Variants in GIMAP5 observed in about 807,000 individuals in gnomAD.
GIMAP5 encodes the protein GTPase IMAP family member 5.
In GIMAP5, 8 loss-of-function variants were observed where a neutral mutation model predicts 9.9. The observed-to-expected ratio is 0.81, with a 90% CI of 0.47 to 1.45. The LOEUF (loss-of-function observed/expected upper bound fraction) is 1.45, where lower values mean the gene tolerates loss of function less well. GIMAP5 is among the 40% of genes most tolerant of loss of function. GIMAP5 has a pLI of 0.00. For synonymous variants in GIMAP5, 174 were observed against 151.4 expected, an observed-to-expected ratio of 1.15 and a Z score of -1.09; for missense variants, 353 against 367.4, an observed-to-expected ratio of 0.96 and a Z score of 0.32.
Position 150,743,336 on chromosome 7 carries a change from T to TC in GIMAP5, c.*275dup. 2.5e-6 allele frequency: 1 copy of TC among 398,474 alleles called. No homozygotes were observed. The highest frequency in any genetic ancestry group is 3.1e-5 in the South Asian group (1 of 32,112). 24.7% of individuals were successfully genotyped at this position (398,474 alleles called of 1,614,324 possible). A position where few individuals can be genotyped will look rare whatever the true frequency, so the allele number is the denominator to read the frequency against. ...CAGGTCCCTGAGAAGTGAGTAAAAG[T>TC]CCGCAGAGGTGGGGATGGAAGATCT... On this transcript the variant is annotated 3_prime_UTR_variant, in exon 3 of 3. Transcript: ENST00000358647.
At position 150,742,551 on chromosome 7, in the gene GIMAP5, T is replaced by A; in HGVS notation, c.412T>A (p.Phe138Ile). Reference protein sequence around the residue: ...TVAIRKVKEVFGTGAMRHVVI... With the variant: ...TVAIRKVKEVIGTGAMRHVVI... ...GGCCATCAGGAAGGTGAAAGAGGTC[T>A]TTGGGACAGGGGCCATGAGACATGT... The change falls in exon 3 of 3, where the codon TTT (phenylalanine) becomes ATT (isoleucine). Residue 138 changes from phenylalanine to isoleucine, a missense_variant. By Grantham distance (21) the Phe-to-Ile change is conservative. Transcript: ENST00000358647. 1 of 1,614,188 alleles carries A rather than the reference T, an allele frequency of 6.2e-7. No individual in the cohort carries two copies. Among genetic ancestry groups the A allele is most frequent in the Non-Finnish European group, 8.5e-7 (1 of 1,180,030 alleles).
At chr7:150,740,158 A>G (rs1341935791) in intron 1 of GIMAP5, 1 of 152,200 alleles carries the variant, frequency 6.6e-6, no homozygotes, top group Non-Finnish European at 1.5e-5. Context: ...GAAAATGTAC[A>G]TCCCCAATAC....
intron 2 of GIMAP5, 72 bp from the exon 3 acceptor site, chr7:150,742,111 T>A: frequency 6.6e-7 from 1 of 1,508,940 alleles, no homozygotes; most frequent in Non-Finnish European, 9.0e-7. Context: ...TTTCATGAGA[T>A]AACCATGAAC....
At chr7:150,738,427 A>G (rs986374358) in intron 1 of GIMAP5, 2 of 152,286 alleles carry the variant, frequency 1.3e-5, no homozygotes, top group African/African-American at 4.8e-5. Context: ...GGTGAAGGAG[A>G]TACTTATGAA....
At chr7:150,739,786 T>A (rs1223059986) in intron 1 of GIMAP5, 2 of 152,078 alleles carry the variant, frequency 1.3e-5, no homozygotes, top group Non-Finnish European at 2.9e-5. Flanking sequence ...GGAAGCTGTC[T>A]TAATACATTC....
chr7:150,740,846 C>A lies in GIMAP5; in HGVS notation c.-6-33C>A, dbSNP rs1378465027. ...GCTCTACCAGCTCCCAAACGTACAT[C>A]TGCTTTTTATCCTTTTCCTGTTTTT... On this transcript the variant is annotated intron_variant, in intron 1 of 2. Coordinates refer to ENST00000358647, the MANE Select transcript of GIMAP5 (RefSeq NM_018384.5). 3.1e-6 allele frequency: 5 copies of A among 1,612,442 alleles called. No homozygotes were observed. In the African/African-American group the frequency reaches 6.7e-5, roughly 22 times the overall value.
intron 2 of GIMAP5, among the ~76,000 whole-genome samples, chr7:150,741,781 G>A (rs1797598951): frequency 6.6e-6 from 1 of 152,234 alleles, no homozygotes; most frequent in Admixed American, 6.5e-5. Flanking sequence ...CTGGAAATGT[G>A]TGGGTGAAAG....
In GIMAP5 at chr7:150,742,472, C is replaced by A; in HGVS notation, c.333C>A (p.Pro111=). ...GDCYLLSAPG[P]HVLLLVIQLG... ...GCTACCTGCTCTCTGCCCCGGGGCC[C>A]CACGTCCTGCTTCTGGTGATCCAGC... Residue 111 remains proline, a synonymous_variant, in exon 3 of 3, where the codon CCC becomes CCA. Coordinates refer to ENST00000358647, the MANE Select transcript of GIMAP5 (RefSeq NM_018384.5). The A allele has an allele frequency of 6.2e-7, 1 of 1,614,168 alleles. No homozygotes were observed. Among genetic ancestry groups the A allele is most frequent in the Non-Finnish European group, 8.5e-7 (1 of 1,180,010 alleles).
At chr7:150,738,056 C>T (rs1797541736) in intron 1 of GIMAP5, 1 of 299,772 alleles carries the variant, frequency 3.3e-6, no homozygotes. Context: ...CTGAAGCTCC[C>T]AGAGGGTGAT....
chr7:150,741,524 G>A (rs1453067179), intron 2 of GIMAP5, among the ~76,000 whole-genome samples: 1 of 152,140 alleles, frequency 6.6e-6, no homozygotes, highest in Non-Finnish European at 1.5e-5. Flanking sequence ...CAACACACAT[G>A]CTTCTATTGA....
In GIMAP5 at chr7:150,743,356, A is replaced by C. The variant is rs1211721656; in HGVS notation, c.*293A>C. 2.9e-6 allele frequency: 1 copy of C among 348,438 alleles called. No homozygotes were observed. Among genetic ancestry groups the C allele is most frequent in the Non-Finnish European group, 5.3e-6 (1 of 187,710 alleles). The allele number at this position is 348,438 out of a possible 1,614,324, so 21.6% of individuals were successfully genotyped here. On this transcript the variant is annotated 3_prime_UTR_variant, in exon 3 of 3. Coordinates refer to ENST00000358647, the MANE Select transcript of GIMAP5 (RefSeq NM_018384.5). ...AAAAGTCCGCAGAGGTGGGGATGGA[A>C]GATCTCTCCTTAGATAGAACCTGTC...
intron 1 of GIMAP5, chr7:150,738,808 C>T (rs1585232602): frequency 6.6e-6 from 1 of 152,350 alleles, no homozygotes. Flanking sequence ...GTGTGTCCAC[C>T]ACGCTCTATT....
At chr7:150,740,583 T>C (rs1797579712) in intron 1 of GIMAP5, 1 of 281,268 alleles carries the variant, frequency 3.6e-6, no homozygotes, top group Non-Finnish European at 6.7e-6. Flanking sequence ...ATTTCATGCC[T>C]TTCTGGTTGG....
Position 150,740,901 on chromosome 7 carries a change from G to C in GIMAP5, c.17G>C (p.Arg6Thr), listed in dbSNP as rs902140258. Residue 6 changes from arginine to threonine, a missense_variant, in exon 2 of 3, where the codon AGG (arginine) becomes ACG (threonine). Arg to Thr is a moderately conservative substitution (Grantham distance 71). Transcript: ENST00000358647. Reference sequence around the variant, plus strand: ...CAGGAGAGAATGGGAGGATTCCAGAGGGGCAAATATGGAACTATGGCTGAA... The same window carrying C: ...CAGGAGAGAATGGGAGGATTCCAGACGGGCAAATATGGAACTATGGCTGAA... Reference protein sequence around the residue: MGGFQRGKYGTMAEGR... With the variant: MGGFQTGKYGTMAEGR... 6.2e-7 allele frequency: 1 copy of C among 1,613,998 alleles called. No homozygotes were observed. Among genetic ancestry groups the C allele is most frequent in the Non-Finnish European group, 8.5e-7 (1 of 1,179,942 alleles).
At chr7:150,739,615 T>C (rs1797565507) in intron 1 of GIMAP5, 1 of 152,168 alleles carries the variant, frequency 6.6e-6, no homozygotes, top group African/African-American at 2.4e-5. Context: ...GAACTGGTGC[T>C]ATTTTAGCAA....
In GIMAP5 at chr7:150,743,156, GA is replaced by G. The variant is rs1442296784; in HGVS notation, c.*94del. On this transcript the variant is annotated 3_prime_UTR_variant, in exon 3 of 3. Transcript: ENST00000358647. ...CAGACTCAGATCCTCGTGGTCTATG[GA>G]GCATGCTGCTTGCTGTCTGTGCAGC... 6.9e-7 allele frequency: 1 copy of G among 1,452,050 alleles called. No homozygotes were observed. The highest frequency in any genetic ancestry group is 2.1e-5 in the Admixed American group (1 of 47,562). 89.9% of individuals were successfully genotyped at this position (1,452,050 alleles called of 1,614,324 possible). A position where few individuals can be genotyped will look rare whatever the true frequency, so the allele number is the denominator to read the frequency against.
rs1797631160 is a variant in GIMAP5, at chr7:150,743,149, G to C, written c.*86G>C. 6.7e-7 allele frequency: 1 copy of C among 1,493,694 alleles called. No individual in the cohort carries two copies. Among genetic ancestry groups the C allele is most frequent in the Non-Finnish European group, 9.0e-7 (1 of 1,115,522 alleles). The allele number at this position is 1,493,694 out of a possible 1,614,324, so 92.5% of individuals were successfully genotyped here. A position where few individuals can be genotyped will look rare whatever the true frequency, so the allele number is the denominator to read the frequency against. On this transcript the variant is annotated 3_prime_UTR_variant, in exon 3 of 3. Coordinates refer to ENST00000358647, the MANE Select transcript of GIMAP5 (RefSeq NM_018384.5). ...ACCAATTCAGACTCAGATCCTCGTG[G>C]TCTATGGAGCATGCTGCTTGCTGTC...
At position 150,742,154 on chromosome 7, in the gene GIMAP5, A is replaced by G. The variant is rs1324329268; in HGVS notation, c.44-29A>G. The G allele has an allele frequency of 1.4e-5, 22 of 1,598,482 alleles. No individual in the cohort carries two copies. The Admixed American group carries it at 3.6e-4, about 26-fold the overall frequency. ...TAACAGTCTTAAGAATCATTAACTT[A>G]GTAAGATACAAAACTTCGTTTTCTA... On this transcript the variant is annotated intron_variant, in intron 2 of 2. Transcript: ENST00000358647.
rs748274505 is a variant in GIMAP5 at position 150,742,904 on chromosome 7, G to T, written c.765G>T (p.Lys255Asn). The change falls in exon 3 of 3, where the codon AAG becomes AAT. Residue 255 changes from lysine to asparagine, a missense_variant. By Grantham distance (94) the Lys-to-Asn change is moderately conservative. Coordinates refer to ENST00000358647, the MANE Select transcript of GIMAP5 (RefSeq NM_018384.5). Reference sequence around the variant, plus strand: ...CCAAAGTGGAATGGCAGGTGGAGAAGCACAAGCAAGAGCTGAGGGAGAACG... The same window carrying T: ...CCAAAGTGGAATGGCAGGTGGAGAATCACAAGCAAGAGCTGAGGGAGAACG... ...YQAKVEWQVE[K>N]HKQELRENES... The T allele has an allele frequency of 6.2e-7, 1 of 1,614,114 alleles. No homozygotes were observed. The highest frequency in any genetic ancestry group is 8.5e-7 in the Non-Finnish European group (1 of 1,180,050).
Sources: allele counts gnomAD v4.1 joint callset (sites outside exome capture counted in the v4.1 genomes callset), GRCh38; gene constraint gnomAD v4.1.1; transcripts MANE v1.5; gene names NCBI Gene and HGNC (gene_info 2026-07-23, HGNC 2026-07-21).